The following SEPTIN7 variants were observed in gnomAD, a reference collection of about 807,000 sequenced individuals.
SEPTIN7 encodes septin-7.
In SEPTIN7, 10 loss-of-function variants were observed where a neutral mutation model predicts 63.3. The observed-to-expected ratio is 0.16, with a 90% CI of 0.10 to 0.27. SEPTIN7 has a LOEUF of 0.27. Among genes scored for constraint, SEPTIN7 ranks in the 10% least tolerant of loss-of-function variants. SEPTIN7 has a pLI of 1.00. For synonymous variants in SEPTIN7, 131 were observed against 165.3 expected, an observed-to-expected ratio of 0.79 and a Z score of 1.59; for missense variants, 310 against 521.0, an observed-to-expected ratio of 0.59 and a Z score of 3.94.
At chr7:35,899,904 A>G (rs1260720135) in intron 12 of SEPTIN7, 2 of 152,188 alleles carry the variant, frequency 1.3e-5, no homozygotes, top group Non-Finnish European at 2.9e-5. Context: ...ACATATATAT[A>G]TATGGATGAC....
intron 9 of SEPTIN7, among the ~76,000 whole-genome samples, chr7:35,884,448 C>T (rs1787098887): frequency 2.6e-5 from 4 of 152,136 alleles, no homozygotes; most frequent in African/African-American, 9.7e-5. Context: ...ACTCAACTTG[C>T]CCCACCCTGG....
chr7:35,867,602 G>A (rs377572016), intron 4 of SEPTIN7, among the ~76,000 whole-genome samples: 10 of 150,414 alleles, frequency 6.6e-5, no homozygotes, highest in African/African-American at 2.4e-5. Context: ...CGCCCGCCTC[G>A]GCCTCCCAAA....
At chr7:35,834,275 TC>T (rs1783975139) in intron 3 of SEPTIN7, among the ~76,000 whole-genome samples, 1 of 152,024 alleles carries the variant, frequency 6.6e-6, no homozygotes, top group African/African-American at 2.4e-5. Context: ...TAAAAAAATT[TC>T]CTTTGACTTT....
chr7:35,907,486 TC>T (rs926231103), downstream of SEPTIN7, among the ~76,000 whole-genome samples: 102 of 152,238 alleles, frequency 6.7e-4, no homozygotes, highest in African/African-American at 2.4e-3. Context: ...AAGTTAAACA[TC>T]TTAAACCCTG....
At chr7:35,883,586 TCC>T (rs201895415) in intron 8 of SEPTIN7, among the ~76,000 whole-genome samples, 1 of 147,752 alleles carries the variant, frequency 6.8e-6, no homozygotes, top group South Asian at 2.3e-4. Context: ...TTACCTTTTA[TCC>T]CCCCCCAGGT....
intron 1 of SEPTIN7, among the ~76,000 whole-genome samples, chr7:35,826,234 A>G (rs1783507678): frequency 6.6e-6 from 1 of 151,918 alleles, no homozygotes; most frequent in Non-Finnish European, 1.5e-5. Flanking sequence ...TGTATGATAT[A>G]AGGCTTTTGT....
intron 1 of SEPTIN7, among the ~76,000 whole-genome samples, chr7:35,819,743 C>T (rs1789297615): frequency 6.6e-6 from 1 of 151,898 alleles, no homozygotes; most frequent in Non-Finnish European, 1.5e-5. Context: ...ATTAGTGTAG[C>T]TACTTCAGCT....
Position 35,888,823 on chromosome 7 carries a change from CAAAAAAAAAAA to C in SEPTIN7, c.873-1833_873-1823del, listed in dbSNP as rs70974780. 2.1e-5 allele frequency: 4 copies of C among 187,832 alleles called. No homozygotes were observed. In the Admixed American group the frequency reaches 2.9e-4, roughly 13 times the overall value. The allele number at this position is 187,832 out of a possible 1,614,324, so 11.6% of individuals were successfully genotyped here. On this transcript the variant is annotated intron_variant, in intron 10 of 13. Coordinates refer to ENST00000350320, the MANE Select transcript of SEPTIN7 (RefSeq NM_001788.6). ...TGGGCAACAGAGCGAGACCCTGTAT[CAAAAAAAAAAA>C]AAAAAAAAAAACGGAAAAGAAAAAT...
chr7:35,851,721 T>C (rs1784970200), intron 3 of SEPTIN7, among the ~76,000 whole-genome samples: 1 of 152,182 alleles, frequency 6.6e-6, no homozygotes, highest in African/African-American at 2.4e-5. Context: ...GTAAAGCCAA[T>C]GAACAAGGAT....
chr7:35,864,424 T>C (rs2727848), intron 4 of SEPTIN7, among the ~76,000 whole-genome samples: 143,513 of 152,196 alleles, frequency 0.94, 68,143 homozygotes, highest in East Asian at 1. Flanking sequence ...TCTAGATATG[T>C]ACTTTTTATT....
the SEPTIN7 span, among the ~76,000 whole-genome samples, chr7:35,914,443 A>G: frequency 1.2e-4 from 18 of 152,158 alleles, no homozygotes; most frequent in South Asian, 3.5e-3. Flanking sequence ...AAAAGAAATA[A>G]GGCTGACCTC....
At chr7:35,897,231 G>A (rs1295941796) in intron 11 of SEPTIN7, among the ~76,000 whole-genome samples, 1 of 152,110 alleles carries the variant, frequency 6.6e-6, no homozygotes, top group Non-Finnish European at 1.5e-5. Context: ...TTTTTATGGA[G>A]GCAAAACAAG....
In SEPTIN7 at chr7:35,858,407, G is replaced by A. The variant is rs1042610889; in HGVS notation, c.170-5145G>A. On this transcript the variant is annotated intron_variant, in intron 3 of 13. Transcript: ENST00000350320. ...AGTCTAGCTCTGTCGCCAGGCTGGC[G>A]TGCAGTAGTGCGATCTTGGCTCACT... 3.9e-5 allele frequency among the ~76,000 whole-genome samples: 6 copies of A among 152,216 alleles called. No individual in the cohort carries two copies. The South Asian group carries it at 1.0e-3, about 26-fold the overall frequency.
chr7:35,837,390 G>C (rs1784133119), intron 3 of SEPTIN7, among the ~76,000 whole-genome samples: 2 of 152,056 alleles, frequency 1.3e-5, no homozygotes, highest in African/African-American at 4.8e-5. Flanking sequence ...GCCTGTATAG[G>C]TTAGATATAT....
chr7:35,915,027 A>G, the SEPTIN7 span, among the ~76,000 whole-genome samples: 1 of 151,832 alleles, frequency 6.6e-6, no homozygotes, highest in Non-Finnish European at 1.5e-5. Flanking sequence ...ATATGTATAC[A>G]TGCACGTACA....
intron 3 of SEPTIN7, among the ~76,000 whole-genome samples, chr7:35,845,659 A>G (rs527889767): frequency 2.0e-5 from 3 of 152,234 alleles, no homozygotes; most frequent in African/African-American, 4.8e-5. Flanking sequence ...ATCGTGCTCA[A>G]GTTTTTTATG....
intron 11 of SEPTIN7, among the ~76,000 whole-genome samples, chr7:35,897,475 T>G (rs1406449851): frequency 1.3e-5 from 2 of 152,188 alleles, no homozygotes; most frequent in East Asian, 3.8e-4. Flanking sequence ...CAAAGAGATT[T>G]GAGTCCATGG....
intron 11 of SEPTIN7, among the ~76,000 whole-genome samples, chr7:35,896,977 C>G (rs1385918282): frequency 1.3e-5 from 2 of 152,054 alleles, no homozygotes; most frequent in Non-Finnish European, 2.9e-5. Flanking sequence ...GCTCTTTTGC[C>G]TGCTTCCCTG....
intron 3 of SEPTIN7, among the ~76,000 whole-genome samples, chr7:35,838,245 C>T (rs1362124953): frequency 2.0e-4 from 1 of 5,098 alleles, no homozygotes; most frequent in Non-Finnish European, 4.0e-4. Context: ...AACTTCCTTC[C>T]TTCCTTCCTT....
Sources: allele counts gnomAD v4.1 joint callset (sites outside exome capture counted in the v4.1 genomes callset), GRCh38; gene constraint gnomAD v4.1.1; transcripts MANE v1.5; gene names NCBI Gene and HGNC (gene_info 2026-07-23, HGNC 2026-07-21).